The following KCTD16 variants were observed in gnomAD, a reference collection of about 807,000 sequenced individuals.
KCTD16 encodes the protein BTB/POZ domain-containing protein KCTD16.
Under a neutral mutation model 33.2 loss-of-function variants are expected in KCTD16, and 13 were observed. The ratio of observed to expected loss-of-function variants is 0.39; its 90% CI spans 0.25 to 0.62. KCTD16 has a LOEUF of 0.62. KCTD16 is among the 20% of genes least tolerant of loss of function. The pLI is 0.50. For synonymous variants in KCTD16, 197 were observed against 195.3 expected, an observed-to-expected ratio of 1.01 and a Z score of -0.07; for missense variants, 441 against 525.1, an observed-to-expected ratio of 0.84 and a Z score of 1.57.
intron 2 of KCTD16, among the ~76,000 whole-genome samples, chr5:144,181,160 C>T (rs1264592073): frequency 1.3e-5 from 2 of 152,018 alleles, no homozygotes; most frequent in African/African-American, 2.4e-5. Context: ...GTCTCGATCT[C>T]CTGACCTCAT....
chr5:144,392,039 T>C (rs189282135), intron 3 of KCTD16, among the ~76,000 whole-genome samples: 42 of 152,372 alleles, frequency 2.8e-4, no homozygotes, highest in Non-Finnish European at 5.6e-4. Context: ...GCCTAATGAC[T>C]ATATAATTAT....
chr5:144,262,998 C>A (rs1392121781), intron 3 of KCTD16, among the ~76,000 whole-genome samples: 1 of 152,126 alleles, frequency 6.6e-6, no homozygotes, highest in African/African-American at 2.4e-5. Context: ...GACCTGGTGA[C>A]TATATATAAT....
intron 3 of KCTD16, among the ~76,000 whole-genome samples, chr5:144,220,336 T>C (rs997751299): frequency 2.6e-5 from 4 of 152,190 alleles, no homozygotes; most frequent in Admixed American, 2.6e-4. Flanking sequence ...TGTGTAACTA[T>C]TTGCTTGATT....
intron 3 of KCTD16, among the ~76,000 whole-genome samples, chr5:144,432,908 A>G (rs963791998): frequency 2.0e-5 from 3 of 152,178 alleles, no homozygotes; most frequent in African/African-American, 7.2e-5. Flanking sequence ...AATTTTTAAT[A>G]CACATATATT....
chr5:144,300,017 A>T (rs1238105675), intron 3 of KCTD16, among the ~76,000 whole-genome samples: 1 of 152,186 alleles, frequency 6.6e-6, no homozygotes, highest in Non-Finnish European at 1.5e-5. Flanking sequence ...AAATCGATAC[A>T]GATTATCCTA....
Position 144,284,475 on chromosome 5 carries a change from C to A in KCTD16, c.832+76929C>A, listed in dbSNP as rs1359029902. Among the ~76,000 whole-genome samples, 2 of 152,178 alleles carry A rather than the reference C, an allele frequency of 1.3e-5. 1 individual carries two copies. Among genetic ancestry groups the A allele is most frequent in the Non-Finnish European group, 2.9e-5 (2 of 68,040 alleles). On this transcript the variant is annotated intron_variant, in intron 3 of 3. Coordinates refer to ENST00000512467, the MANE Select transcript of KCTD16 (RefSeq NM_020768.4). ...AAGCTCAAAGGCTGGTTTTCTAAAA[C>A]TCTAACAGTAACAATTCTCTTGAAT...
chr5:144,354,732 T>C (rs1334951908), intron 3 of KCTD16, among the ~76,000 whole-genome samples: 1 of 152,198 alleles, frequency 6.6e-6, no homozygotes, highest in Non-Finnish European at 1.5e-5. Flanking sequence ...GTTCAGTCTA[T>C]CTATTCGTTA....
At chr5:144,208,091 A>T (rs1753248922) in intron 3 of KCTD16, among the ~76,000 whole-genome samples, 1 of 152,164 alleles carries the variant, frequency 6.6e-6, no homozygotes, top group Non-Finnish European at 1.5e-5. Context: ...CCAAGTCTAA[A>T]TTTTGCTTTT....
intron 3 of KCTD16, among the ~76,000 whole-genome samples, chr5:144,287,220 A>G (rs1316324101): frequency 6.6e-6 from 1 of 152,166 alleles, no homozygotes. Context: ...TCTCTGAGTC[A>G]AAATTGGCCA....
chr5:144,382,429 C>A (rs1230326326), intron 3 of KCTD16, among the ~76,000 whole-genome samples: 1 of 152,038 alleles, frequency 6.6e-6, no homozygotes, highest in Admixed American at 6.6e-5. Flanking sequence ...AAGAAATAAG[C>A]TCAGACATCA....
At chr5:144,458,764 T>G (rs1754128873) in intron 3 of KCTD16, among the ~76,000 whole-genome samples, 1 of 152,196 alleles carries the variant, frequency 6.6e-6, no homozygotes, top group African/African-American at 2.4e-5. Flanking sequence ...CTCCTGTTCC[T>G]AAGAGCCCAT....
intron 3 of KCTD16, among the ~76,000 whole-genome samples, chr5:144,219,412 C>T (rs530242080): frequency 3.9e-4 from 59 of 150,542 alleles, no homozygotes; most frequent in African/African-American, 1.4e-3. Context: ...CAGGGTTTTG[C>T]CATGTTGGCC....
chr5:144,205,351 T>G (rs901135633), intron 2 of KCTD16: 1 of 395,036 alleles, frequency 2.5e-6, no homozygotes, highest in Non-Finnish European at 4.5e-6. Context: ...AATAGTCATT[T>G]CCCTGGATGG....
At chr5:144,287,093 G>A (rs1580846281) in intron 3 of KCTD16, among the ~76,000 whole-genome samples, 3 of 152,316 alleles carry the variant, frequency 2.0e-5, no homozygotes, top group Middle Eastern at 6.8e-3. Flanking sequence ...TGGCTGGAAG[G>A]TCCGTCTGGC....
chr5:144,434,830 G>T (rs1753540335), intron 3 of KCTD16, among the ~76,000 whole-genome samples: 1 of 152,132 alleles, frequency 6.6e-6, no homozygotes, highest in Admixed American at 6.6e-5. Context: ...GACACTGTGG[G>T]AGACAACATT....
In KCTD16 at chr5:144,192,064, G is replaced by C. The variant is rs958776940; in HGVS notation, c.-326-14325G>C. ...GGTATGTCAAGTTGGTGGACCAAAG[G>C]GGGCATCTCATTGCTGACTTTGGGA... On this transcript the variant is annotated intron_variant, in intron 2 of 3. Coordinates refer to ENST00000512467, the MANE Select transcript of KCTD16 (RefSeq NM_020768.4). Among the ~76,000 whole-genome samples, 5 of 152,212 alleles carry C rather than the reference G, an allele frequency of 3.3e-5. No homozygotes were observed. In the East Asian group the frequency reaches 9.6e-4, roughly 29 times the overall value.
chr5:144,339,700 G>T (rs1295183658), intron 3 of KCTD16, among the ~76,000 whole-genome samples: 3 of 152,164 alleles, frequency 2.0e-5, no homozygotes, highest in Admixed American at 1.3e-4. Flanking sequence ...ATGCACTCAT[G>T]CTTGCTTTCC....
chr5:144,371,089 C>T (rs916489085), intron 3 of KCTD16, among the ~76,000 whole-genome samples: 2 of 152,042 alleles, frequency 1.3e-5, no homozygotes, highest in Non-Finnish European at 2.9e-5. Flanking sequence ...CTCTCCCTTT[C>T]GTTTGGTGAC....
At chr5:144,467,877 G>T (rs747004067) in intron 3 of KCTD16, among the ~76,000 whole-genome samples, 17 of 152,092 alleles carry the variant, frequency 1.1e-4, no homozygotes, top group Non-Finnish European at 1.9e-4. Context: ...GTGATGCCAG[G>T]ACTGGGATTT....
Sources: allele counts gnomAD v4.1 joint callset (sites outside exome capture counted in the v4.1 genomes callset), GRCh38; gene constraint gnomAD v4.1.1; transcripts MANE v1.5; gene names NCBI Gene and HGNC (gene_info 2026-07-23, HGNC 2026-07-21).